Variants in CRYZL1 observed in about 807,000 individuals in gnomAD.
CRYZL1 encodes the protein ferry endosomal RAB5 effector complex subunit 4.
In CRYZL1, 34 loss-of-function variants were observed where a neutral mutation model predicts 50.6. The observed-to-expected ratio is 0.67, with a 90% CI of 0.51 to 0.89. The LOEUF (loss-of-function observed/expected upper bound fraction) is 0.89, where lower values mean the gene tolerates loss of function less well. Among genes scored for constraint, CRYZL1 ranks in the 40% least tolerant of loss-of-function variants. CRYZL1 has a pLI of 0.00. For missense variants in CRYZL1, 354 were observed against 402.3 expected (o/e 0.88, Z 1.03); for synonymous variants, 125 against 134.3 (o/e 0.93, Z 0.48).
chr21:33,641,516 C>T, intron 1 of CRYZL1, among the ~76,000 whole-genome samples, 165 bp downstream of exon 1: 1 of 152,226 alleles, frequency 6.6e-6, no homozygotes, highest in East Asian at 1.9e-4. Flanking sequence ...TTACCCACCC[C>T]TCAGCGGCCT....
intron 6 of CRYZL1, among the ~76,000 whole-genome samples, chr21:33,604,216 G>T (rs1028454871): frequency 6.6e-6 from 1 of 152,206 alleles, no homozygotes; most frequent in Non-Finnish European, 1.5e-5. Context: ...TTAGCCAGGC[G>T]TGGTGGCGGG....
chr21:33,597,737 T>C (rs2086710474), intron 9 of CRYZL1, among the ~76,000 whole-genome samples: 1 of 152,156 alleles, frequency 6.6e-6, no homozygotes, highest in African/African-American at 2.4e-5. Context: ...CTCAGCCTCC[T>C]GAGTAGCTGG....
At chr21:33,614,297 C>T (rs893518912) in intron 5 of CRYZL1, among the ~76,000 whole-genome samples, 1 of 151,948 alleles carries the variant, frequency 6.6e-6, no homozygotes. Flanking sequence ...CCAGCCTGGT[C>T]AACATAGTGA....
chr21:33,614,542 T>C (rs2086906841), intron 5 of CRYZL1, among the ~76,000 whole-genome samples: 1 of 152,134 alleles, frequency 6.6e-6, no homozygotes, highest in African/African-American at 2.4e-5. Context: ...TACCTTCCTA[T>C]AGTTTGGTTC....
intron 5 of CRYZL1, 101 bp downstream of exon 5, chr21:33,616,605 T>C: frequency 1.3e-6 from 2 of 1,583,784 alleles, no homozygotes; most frequent in South Asian, 1.1e-5. Flanking sequence ...AAAGTACTTC[T>C]ATATGAAGCA....
At chr21:33,597,250 A>G in intron 10 of CRYZL1, 30 bp downstream of exon 10, 1 of 1,608,392 alleles carries the variant, frequency 6.2e-7, no homozygotes, top group South Asian at 1.1e-5. Context: ...CTTTGGTGTA[A>G]TGGTAACGCT....
At position 33,591,171 on chromosome 21, in the gene CRYZL1, C is replaced by G. The variant is rs1297140940; in HGVS notation, c.941G>C (p.Gly314Ala). The G allele has an allele frequency of 1.2e-6, 2 of 1,609,124 alleles. No individual in the cohort carries two copies. Among genetic ancestry groups the G allele is most frequent in the Non-Finnish European group, 1.7e-6 (2 of 1,175,396 alleles). The change falls in exon 12 of 13, where the codon GGT (glycine) becomes GCT (alanine). Residue 314 changes from glycine (G) to alanine (A), a missense_variant. Coordinates refer to ENST00000381554, the MANE Select transcript of CRYZL1 (RefSeq NM_145858.3). ...LKDVMEKLST[G>A]VFRPQLDEPI... ...GGTTACTTTAGCGTACCTGAAAACA[C>G]CAGTTGATAACTTCTCCATCACATC...
At chr21:33,629,827 C>T (rs2087116933) in intron 2 of CRYZL1, among the ~76,000 whole-genome samples, 1 of 152,180 alleles carries the variant, frequency 6.6e-6, no homozygotes, top group Non-Finnish European at 1.5e-5. Context: ...AGAGGAAAAG[C>T]TTCCAACTTT....
At chr21:33,635,467 C>T (rs1485443898) in intron 1 of CRYZL1, among the ~76,000 whole-genome samples, 1 of 151,084 alleles carries the variant, frequency 6.6e-6, no homozygotes, top group Non-Finnish European at 1.5e-5. Context: ...TCTCCTGCCT[C>T]CGCCTCCGGA....
In CRYZL1 at chr21:33,622,690, G is replaced by A. The variant is rs77960212; in HGVS notation, c.145-622C>T. ...AATTAACTGTAAGTACTTGTCTTTT[G>A]AAGTAACAGGGTATACTGTCTTTAA... On this transcript the variant is annotated intron_variant, in intron 3 of 12. Transcript: ENST00000381554. Among the ~76,000 whole-genome samples the A allele has an allele frequency of 4.1e-3, 617 of 152,234 alleles. 6 individuals are homozygous for A. Among genetic ancestry groups the A allele is most frequent in the African/African-American group, 0.014 (586 of 41,558 alleles).
At chr21:33,637,479 C>G (rs2087222390) in intron 1 of CRYZL1, among the ~76,000 whole-genome samples, 2 of 151,166 alleles carry the variant, frequency 1.3e-5, no homozygotes, top group Admixed American at 6.6e-5. Flanking sequence ...TTAGATCCAT[C>G]CCATCACCTT....
intron 2 of CRYZL1, among the ~76,000 whole-genome samples, chr21:33,628,168 C>T (rs1457898276): frequency 6.6e-6 from 1 of 152,108 alleles, no homozygotes; most frequent in African/African-American, 2.4e-5. Context: ...TTCCTAATAC[C>T]TTTTACACTA....
At chr21:33,636,749 T>C (rs1312213990) in intron 1 of CRYZL1, among the ~76,000 whole-genome samples, 1 of 152,222 alleles carries the variant, frequency 6.6e-6, no homozygotes, top group Non-Finnish European at 1.5e-5. Flanking sequence ...TCATCCTTCT[T>C]ATAATAGCAA....
rs557753840 is a variant in CRYZL1, at chr21:33,636,951, C to T, written c.-7+4730G>A. ...CTTCCCGAGTAGCTGGGACTACAGG[C>T]GCCCGCCACTGCGCCCGGCTAATTT... On this transcript the variant is annotated intron_variant, in intron 1 of 12. Transcript: ENST00000381554. 1.5e-3 allele frequency among the ~76,000 whole-genome samples: 225 copies of T among 152,198 alleles called. 1 individual carries two copies. The highest frequency in any genetic ancestry group is 1.8e-3 in the Non-Finnish European group (121 of 67,980).
At chr21:33,603,644 C>T (rs1480489014) in intron 6 of CRYZL1, 107 bp from the exon 7 acceptor site, 3 of 1,221,882 alleles carry the variant, frequency 2.5e-6, no homozygotes, top group Admixed American at 4.3e-5. Context: ...TGGTCCAAGC[C>T]CCTACTCCCA....
intron 1 of CRYZL1, chr21:33,639,827 T>A (rs2087256209): frequency 8.4e-6 from 1 of 118,806 alleles, no homozygotes. Context: ...AGATGTGTAT[T>A]TTTTTTTTTT....
At chr21:33,595,155 T>C in intron 11 of CRYZL1, 1 of 1,062,572 alleles carries the variant, frequency 9.4e-7, no homozygotes. Context: ...TTTATTATTT[T>C]TACTCAACTG....
chr21:33,641,077 G>C, intron 1 of CRYZL1: 3 of 1,516,742 alleles, frequency 2.0e-6, no homozygotes, highest in South Asian at 2.5e-5. Flanking sequence ...ACAGAGTTCA[G>C]GTAAAACCTT....
chr21:33,610,619 A>T (rs1203731952), intron 6 of CRYZL1, among the ~76,000 whole-genome samples: 1 of 152,118 alleles, frequency 6.6e-6, no homozygotes, highest in Non-Finnish European at 1.5e-5. Flanking sequence ...GTCTTAGCTT[A>T]AACTTTATAG....
Sources: allele counts gnomAD v4.1 joint callset (sites outside exome capture counted in the v4.1 genomes callset), GRCh38; gene constraint gnomAD v4.1.1; transcripts MANE v1.5; gene names NCBI Gene and HGNC (gene_info 2026-07-23, HGNC 2026-07-21).